The following UGT2B7 variants were observed in gnomAD, a reference collection of about 807,000 sequenced individuals.
UGT2B7 encodes the protein UDP-glucuronosyltransferase 2B7.
In UGT2B7, 51 loss-of-function variants were observed where a neutral mutation model predicts 51.9. The ratio of observed to expected loss-of-function variants is 0.98; its 90% CI spans 0.78 to 1.24. The LOEUF (loss-of-function observed/expected upper bound fraction) is 1.24, where lower values mean the gene tolerates loss of function less well. Ranked by LOEUF, UGT2B7 falls within the 50% of genes most tolerant of loss-of-function variation. The pLI, the probability that UGT2B7 is intolerant of heterozygous loss-of-function variation, is 0.00. For missense variants in UGT2B7, 727 were observed against 628.4 expected, an observed-to-expected ratio of 1.16 and a Z score of -1.68; for synonymous variants, 225 against 211.6, an observed-to-expected ratio of 1.06 and a Z score of -0.55.
rs116572256 is a variant in UGT2B7 at position 69,074,472 on chromosome 4, A to G, written c.-158-15000A>G. On this transcript the variant is annotated intron_variant, in intron 1 of 5. Transcript: ENST00000502942. ...AATTAAAAATCAAAGTCTCATTCTGATTGTTTCCCCTATTTATGATCCTTG... is the reference window on the plus strand; with the variant it reads ...AATTAAAAATCAAAGTCTCATTCTGGTTGTTTCCCCTATTTATGATCCTTG... Among the ~76,000 whole-genome samples, 746 of 134,756 alleles carry G rather than the reference A, an allele frequency of 5.5e-3. 7 individuals carry two copies. The highest frequency in any genetic ancestry group is 0.022 in the African/African-American group (692 of 31,250). The allele number at this position is 134,756 out of a possible 152,430, so 88.4% of individuals were successfully genotyped here. A position where few individuals can be genotyped will look rare whatever the true frequency, so the allele number is the denominator to read the frequency against.
intron 2 of UGT2B7, 130 bp downstream of exon 2, chr4:69,098,818 C>A (rs1719331314): frequency 9.5e-6 from 14 of 1,469,852 alleles, no homozygotes; most frequent in Non-Finnish European, 1.3e-5. Context: ...AAAGCAGATA[C>A]CAATTAGAAA....
intron 1 of UGT2B7, among the ~76,000 whole-genome samples, chr4:69,055,234 G>T (rs1265697267): frequency 6.8e-6 from 1 of 147,672 alleles, no homozygotes; most frequent in African/African-American, 2.5e-5. Flanking sequence ...TAGTTACACA[G>T]TAAAAAAATA....
At chr4:69,063,318 C>CAAAA (rs556109411) in intron 1 of UGT2B7, among the ~76,000 whole-genome samples, 7 of 23,770 alleles carry the variant, frequency 2.9e-4, no homozygotes, top group Non-Finnish European at 4.4e-4. Flanking sequence ...GACTCCGTCT[C>CAAAA]AAAAAAAAAA....
At position 69,108,145 on chromosome 4, in the gene UGT2B7, A is replaced by C. The variant is rs35590824; in HGVS notation, c.1133A>C (p.Asn378Thr). 6.2e-7 allele frequency: 1 copy of C among 1,613,644 alleles called. No homozygotes were observed. The highest frequency in any genetic ancestry group is 8.5e-7 in the Non-Finnish European group (1 of 1,179,634). ...TRAFITHGGA[N>T]GIYEAIYHGI... ...GCTTTTATAACTCATGGTGGAGCCA[A>C]TGGCATCTACGAGGCAATCTACCAT... Residue 378 changes from asparagine to threonine, a missense_variant, in exon 5 of 6, where the codon AAT (asparagine) becomes ACT (threonine). Asn to Thr is a moderately conservative substitution (Grantham distance 65, BLOSUM62 0). Coordinates refer to ENST00000305231, the MANE Select transcript of UGT2B7 (RefSeq NM_001074.4).
chr4:69,112,731 G>T lies in UGT2B7; in HGVS notation c.1585G>T (p.Asp529Tyr), dbSNP rs1199871510. 1 of 1,612,926 alleles carries T rather than the reference G, an allele frequency of 6.2e-7. No homozygotes were observed. The highest frequency in any genetic ancestry group is 1.7e-5 in the Admixed American group (1 of 59,928). Residue 529 changes from aspartate to tyrosine, a missense_variant, in exon 6 of 6, where the codon GAT becomes TAT. By Grantham distance (160) the Asp-to-Tyr change is radical (BLOSUM62 -3). Coordinates refer to ENST00000305231, the MANE Select transcript of UGT2B7 (RefSeq NM_001074.4). ...TAGAAAAGCAAAGAAGGGAAAAAATGATTAGTTATATCTGAGATTTGAAGC... is the reference window on the plus strand; with the variant it reads ...TAGAAAAGCAAAGAAGGGAAAAAATTATTAGTTATATCTGAGATTTGAAGC... ...FARKAKKGKN[D>Y]
chr4:69,089,806 C>A (rs998825782), intron 2 of UGT2B7, among the ~76,000 whole-genome samples: 2 of 152,196 alleles, frequency 1.3e-5, no homozygotes, highest in Admixed American at 1.3e-4. Context: ...GGAAATACTT[C>A]TCTTTGTTGT....
intron 1 of UGT2B7, among the ~76,000 whole-genome samples, chr4:69,056,003 G>A (rs578066860): frequency 5.9e-5 from 9 of 152,170 alleles, no homozygotes; most frequent in Non-Finnish European, 1.3e-4. Flanking sequence ...AGGACTGGAT[G>A]GTCCCCACCA....
At chr4:69,058,615 T>C (rs1288843709) in intron 1 of UGT2B7, among the ~76,000 whole-genome samples, 1 of 152,164 alleles carries the variant, frequency 6.6e-6, no homozygotes, top group Non-Finnish European at 1.5e-5. Flanking sequence ...AAAGACTTAG[T>C]GAGGCCAGCA....
At chr4:69,101,076 C>T (rs571439451) in intron 2 of UGT2B7, among the ~76,000 whole-genome samples, 124 of 152,094 alleles carry the variant, frequency 8.2e-4, no homozygotes, top group African/African-American at 2.8e-3. Context: ...ATACTATGTG[C>T]ATACAATAGC....
intron 5 of UGT2B7, among the ~76,000 whole-genome samples, chr4:69,110,893 A>G (rs1719753092): frequency 6.6e-6 from 1 of 152,154 alleles, no homozygotes; most frequent in Admixed American, 6.5e-5. Flanking sequence ...TTTGTATTTA[A>G]TATTTAAATG....
intron 1 of UGT2B7, among the ~76,000 whole-genome samples, chr4:69,087,125 T>A (rs1198312823): frequency 6.6e-6 from 1 of 151,674 alleles, no homozygotes; most frequent in Non-Finnish European, 1.5e-5. Flanking sequence ...TGTCTCTCTC[T>A]CTCTGTCTCT....
intron 1 of UGT2B7, among the ~76,000 whole-genome samples, chr4:69,057,797 G>T (rs184339892): frequency 6.6e-6 from 1 of 152,192 alleles, no homozygotes; most frequent in African/African-American, 2.4e-5. Context: ...TGTGGTGGAG[G>T]GGGTGGTGGT....
At chr4:69,068,989 A>C (rs1718539661) in intron 1 of UGT2B7, among the ~76,000 whole-genome samples, 1 of 152,020 alleles carries the variant, frequency 6.6e-6, no homozygotes, top group Admixed American at 6.6e-5. Flanking sequence ...TGACAAGAAT[A>C]ATTCTACCAA....
chr4:69,064,397 T>C (rs1718444216), intron 1 of UGT2B7, among the ~76,000 whole-genome samples: 1 of 152,204 alleles, frequency 6.6e-6, no homozygotes, highest in South Asian at 2.1e-4. Context: ...GTATTCTGTT[T>C]TGTCTAAAAG....
At chr4:69,112,383 C>T in intron 5 of UGT2B7, 74 bp from the exon 6 acceptor site, 1 of 1,539,044 alleles carries the variant, frequency 6.5e-7, no homozygotes, top group Non-Finnish European at 8.7e-7. Context: ...ACCCTTCCTT[C>T]TTTAACTCGG....
intron 1 of UGT2B7, among the ~76,000 whole-genome samples, chr4:69,074,916 A>C (rs182692371): frequency 8.5e-5 from 13 of 152,242 alleles, no homozygotes; most frequent in Admixed American, 2.6e-4. Flanking sequence ...TGTCTGGAGC[A>C]GAAGTGGGAA....
At chr4:69,092,701 A>G (rs1024507008), upstream of UGT2B7, among the ~76,000 whole-genome samples, 1 of 152,130 alleles carries the variant, frequency 6.6e-6, no homozygotes, top group East Asian at 1.9e-4. Context: ...GAGGCATTAG[A>G]TAAGTGTCTT....
At chr4:69,054,857 G>T (rs372649398) in intron 1 of UGT2B7, among the ~76,000 whole-genome samples, 6 of 152,106 alleles carry the variant, frequency 3.9e-5, no homozygotes, top group East Asian at 1.9e-4. Flanking sequence ...TCCTCAGACT[G>T]AGGGCTGTTC....
intron 5 of UGT2B7, 74 bp downstream of exon 5, chr4:69,108,396 A>G: frequency 1.3e-6 from 2 of 1,520,700 alleles, no homozygotes; most frequent in African/African-American, 2.7e-5. Flanking sequence ...TGTGAGTTTC[A>G]TCCTTTTTAT....
Sources: allele counts gnomAD v4.1 joint callset (sites outside exome capture counted in the v4.1 genomes callset), GRCh38; gene constraint gnomAD v4.1.1; transcripts MANE v1.5; gene names NCBI Gene and HGNC (gene_info 2026-07-23, HGNC 2026-07-21).